MYPOP: variants seen among roughly 807,000 people sequenced by gnomAD.
MYPOP encodes the protein myb-related transcription factor, partner of profilin.
MYPOP carries 21 observed loss-of-function variants against 25.7 expected under a neutral mutation model. The ratio of observed to expected loss-of-function variants is 0.82; its 90% CI spans 0.58 to 1.18. The LOEUF (loss-of-function observed/expected upper bound fraction) is 1.18, where lower values mean the gene tolerates loss of function less well. Ranked by LOEUF, MYPOP falls within the 50% of genes most tolerant of loss-of-function variation. The pLI is 0.00. For missense variants in MYPOP, 566 were observed against 588.3 expected, an observed-to-expected ratio of 0.96 and a Z score of 0.39; for synonymous variants, 280 against 247.9, an observed-to-expected ratio of 1.13 and a Z score of -1.22.
intron 2 of MYPOP, among the ~76,000 whole-genome samples, chr19:45,892,829 G>A (rs1306668207): frequency 6.6e-6 from 1 of 152,098 alleles, no homozygotes; most frequent in Non-Finnish European, 1.5e-5. Context: ...CCTCCCTGAG[G>A]GCTCTCTGCT....
Position 45,901,628 on chromosome 19 carries a change from A to G in MYPOP, c.146T>C (p.Val49Ala), listed in dbSNP as rs763202009. ...GTCCCACACGCGCCGCCGCTCTGCC[A>G]CGCTCACCCGACGGCTCTGCGCGCC... ...LYGAQSRRVS[V>A]AERRRVWDGI... Residue 49 changes from valine (V) to alanine (A), a missense_variant, in exon 2 of 3, where the codon GTG becomes GCG. Physicochemically the swap from Val to Ala is moderately conservative, Grantham distance 64. Coordinates refer to ENST00000322217, the MANE Select transcript of MYPOP (RefSeq NM_001012643.4). The surrounding 1 kb of genome is among the most constrained non-coding windows in gnomAD (Gnocchi z 5.7). 6.2e-7 allele frequency: 1 copy of G among 1,610,648 alleles called. No homozygotes were observed. Among genetic ancestry groups the G allele is most frequent in the Admixed American group, 1.7e-5 (1 of 59,876 alleles).
In MYPOP at chr19:45,890,561, G is replaced by A. The variant is rs1967101937; in HGVS notation, c.*62C>T. On this transcript the variant is annotated 3_prime_UTR_variant, in exon 3 of 3. Transcript: ENST00000322217. ...GCAGCTGGGATGGGCAGAGAGCATC[G>A]CCCCCCTCGACTGCGCCAAGCTGGG... is the stretch of plus-strand genomic sequence containing the variant. 3.2e-6 allele frequency: 5 copies of A among 1,583,262 alleles called. No homozygotes were observed. Among genetic ancestry groups the A allele is most frequent in the South Asian group, 2.3e-5 (2 of 87,442 alleles).
At chr19:45,892,011 C>T (rs1223648905) in intron 2 of MYPOP, among the ~76,000 whole-genome samples, 1 of 152,022 alleles carries the variant, frequency 6.6e-6, no homozygotes, top group African/African-American at 2.4e-5. Flanking sequence ...CCTCTGTCTT[C>T]CGGCTTCAAA....
chr19:45,896,554 G>A (rs1379422892), intron 2 of MYPOP, among the ~76,000 whole-genome samples: 1 of 152,090 alleles, frequency 6.6e-6, no homozygotes, highest in Non-Finnish European at 1.5e-5. Context: ...GAGGCTCAGA[G>A]AGAGGTGTCA....
At chr19:45,899,806 A>C (rs1967260871) in intron 2 of MYPOP, among the ~76,000 whole-genome samples, 1 of 152,168 alleles carries the variant, frequency 6.6e-6, no homozygotes, top group African/African-American at 2.4e-5. Context: ...TCGCCACTGC[A>C]CTCCAGCCTG....
Position 45,901,171 on chromosome 19 carries a change from G to A in MYPOP, c.499+104C>T, listed in dbSNP as rs2146382819. The A allele has an allele frequency of 2.7e-6, 3 of 1,107,528 alleles. No homozygotes were observed. Among genetic ancestry groups the A allele is most frequent in the Non-Finnish European group, 2.4e-6 (2 of 840,880 alleles). The allele number at this position is 1,107,528 out of a possible 1,614,324, so 68.6% of individuals were successfully genotyped here. Reference sequence around the variant, plus strand: ...TTCAGTTTCCCTAGCTATAAAATGGGGCGAAGGACAGCATCCACCTCACAG... The same window carrying A: ...TTCAGTTTCCCTAGCTATAAAATGGAGCGAAGGACAGCATCCACCTCACAG... On this transcript the variant is annotated intron_variant, in intron 2 of 2. Coordinates refer to ENST00000322217, the MANE Select transcript of MYPOP (RefSeq NM_001012643.4). This position sits in a 1 kb window ranked among gnomAD's most constrained non-coding sequence, Gnocchi z 5.7.
chr19:45,901,149 A>T lies in MYPOP; in HGVS notation c.499+126T>A. ...AAGTCATTTCATTTTTCTGAGCTTCAGTTTCCCTAGCTATAAAATGGGGCG... is the reference window on the plus strand; with the variant it reads ...AAGTCATTTCATTTTTCTGAGCTTCTGTTTCCCTAGCTATAAAATGGGGCG... On this transcript the variant is annotated intron_variant, in intron 2 of 2. Coordinates refer to ENST00000322217, the MANE Select transcript of MYPOP (RefSeq NM_001012643.4). This position sits in a 1 kb window ranked among gnomAD's most constrained non-coding sequence, Gnocchi z 5.7. 1.1e-6 allele frequency: 1 copy of T among 918,096 alleles called. No individual in the cohort carries two copies. The highest frequency in any genetic ancestry group is 1.5e-6 in the Non-Finnish European group (1 of 675,024). The allele number at this position is 918,096 out of a possible 1,614,324, so 56.9% of individuals were successfully genotyped here.
rs116069837 is a variant in MYPOP, at chr19:45,900,293, C to T, written c.499+982G>A. Among the ~76,000 whole-genome samples, 381 of 152,298 alleles carry T rather than the reference C, an allele frequency of 2.5e-3. 3 individuals are homozygous for T. The highest frequency in any genetic ancestry group is 8.7e-3 in the African/African-American group (361 of 41,564). ...CCTTTCCACTCTACACTCTTTTCCC[C>T]GCAACTTCTTTTAGTTTCCCAAACT... On this transcript the variant is annotated intron_variant, in intron 2 of 2. Coordinates refer to ENST00000322217, the MANE Select transcript of MYPOP (RefSeq NM_001012643.4).
chr19:45,895,786 GC>G (rs1238510290), intron 2 of MYPOP, among the ~76,000 whole-genome samples: 1 of 152,098 alleles, frequency 6.6e-6, no homozygotes, highest in African/African-American at 2.4e-5. Context: ...CTCAGCACTT[GC>G]CCCCAACTCC....
intron 2 of MYPOP, among the ~76,000 whole-genome samples, chr19:45,897,916 G>C (rs1452284053): frequency 2.0e-5 from 3 of 148,980 alleles, no homozygotes; most frequent in African/African-American, 7.4e-5. Context: ...TTCCCTACTT[G>C]TTTTCTTTTC....
chr19:45,901,239 C>G lies in MYPOP; in HGVS notation c.499+36G>C. On this transcript the variant is annotated intron_variant, in intron 2 of 2. Transcript: ENST00000322217. This position sits in a 1 kb window ranked among gnomAD's most constrained non-coding sequence, Gnocchi z 5.7. ...GATGAGACATGTAAAAGGCTTGCAA[C>G]AGCGCAGGCACACAGCCTACTCTGA... The G allele has an allele frequency of 7.1e-7, 1 of 1,410,040 alleles. No homozygotes were observed. Among genetic ancestry groups the G allele is most frequent in the Middle Eastern group, 1.9e-4 (1 of 5,390 alleles). 87.3% of individuals were successfully genotyped at this position (1,410,040 alleles called of 1,614,324 possible).
In MYPOP at chr19:45,891,451, A is replaced by G. The variant is rs1233164870; in HGVS notation, c.500-128T>C. 2.9e-6 allele frequency: 3 copies of G among 1,027,912 alleles called. No individual in the cohort carries two copies. The East Asian group carries it at 1.0e-4, about 34-fold the overall frequency. 63.7% of individuals were successfully genotyped at this position (1,027,912 alleles called of 1,614,324 possible). A position where few individuals can be genotyped will look rare whatever the true frequency, so the allele number is the denominator to read the frequency against. Reference sequence around the variant, plus strand: ...ACTATCCTTCTCACCCCCGCCCCCCAGCCCCAAGACAGTCTTGGTCTGTCA... The same window carrying G: ...ACTATCCTTCTCACCCCCGCCCCCCGGCCCCAAGACAGTCTTGGTCTGTCA... On this transcript the variant is annotated intron_variant, in intron 2 of 2. Transcript: ENST00000322217.
chr19:45,901,879 GCC>G lies in MYPOP; in HGVS notation c.-52-56_-52-55del. ...TGGGGTTCGGGGTCCCCCCGCCGCC[GCC>G]TCTCCCAGACCGCCGGGCCGAGAGC... is the stretch of plus-strand genomic sequence containing the variant. On this transcript the variant is annotated intron_variant, in intron 1 of 2. Transcript: ENST00000322217. This position sits in a 1 kb window ranked among gnomAD's most constrained non-coding sequence, Gnocchi z 5.7. The G allele has an allele frequency of 1.1e-6, 1 of 951,832 alleles. No individual in the cohort carries two copies. 59.0% of individuals were successfully genotyped at this position (951,832 alleles called of 1,614,324 possible).
rs1473958636 is a variant in MYPOP, at chr19:45,890,333, T to TC, written c.*289dup. On this transcript the variant is annotated 3_prime_UTR_variant, in exon 3 of 3. Coordinates refer to ENST00000322217, the MANE Select transcript of MYPOP (RefSeq NM_001012643.4). ...GGGGAGATGTGCAGACCCGAGAGGTTCCCTCCCCACCCCACATAGGGCAAT... is the reference window on the plus strand; with the variant it reads ...GGGGAGATGTGCAGACCCGAGAGGTTCCCCTCCCCACCCCACATAGGGCAAT... The TC allele has an allele frequency of 3.8e-5, 13 of 340,926 alleles. No homozygotes were observed. The South Asian group carries it at 8.0e-4, about 21-fold the overall frequency. The allele number at this position is 340,926 out of a possible 1,614,324, so 21.1% of individuals were successfully genotyped here.
At chr19:45,891,446 C>T in intron 2 of MYPOP, 123 bp from the exon 3 acceptor site, 1 of 1,189,558 alleles carries the variant, frequency 8.4e-7, no homozygotes, top group Non-Finnish European at 1.1e-6. Flanking sequence ...TCACCCCCGC[C>T]CCCCAGCCCC....
chr19:45,898,715 C>T (rs1967243719), intron 2 of MYPOP, among the ~76,000 whole-genome samples: 1 of 152,084 alleles, frequency 6.6e-6, no homozygotes. Context: ...AGCAGGAGTG[C>T]CCTTCTCCCA....
chr19:45,899,394 GA>G, intron 2 of MYPOP, among the ~76,000 whole-genome samples: 1 of 152,300 alleles, frequency 6.6e-6, no homozygotes, highest in East Asian at 1.9e-4. Flanking sequence ...ACAAGTTTCT[GA>G]AAAAATAAGT....
chr19:45,897,072 T>TC (rs2146379547), intron 2 of MYPOP, among the ~76,000 whole-genome samples: 1 of 149,590 alleles, frequency 6.7e-6, no homozygotes, highest in South Asian at 2.1e-4. Context: ...CATGGCCTTT[T>TC]TTTTTTTTTG....
In MYPOP at chr19:45,890,525, G is replaced by T; in HGVS notation, c.*98C>A. The T allele has an allele frequency of 6.6e-7, 1 of 1,526,612 alleles. No homozygotes were observed. The highest frequency in any genetic ancestry group is 1.2e-5 in the South Asian group (1 of 80,382). The allele number at this position is 1,526,612 out of a possible 1,614,324, so 94.6% of individuals were successfully genotyped here. On this transcript the variant is annotated 3_prime_UTR_variant, in exon 3 of 3. Transcript: ENST00000322217. Reference sequence around the variant, plus strand: ...GTGGGTGCTCACATCCCTGGAGCAGGGAGCTAGGGTGCAGCTGGGATGGGC... The same window carrying T: ...GTGGGTGCTCACATCCCTGGAGCAGTGAGCTAGGGTGCAGCTGGGATGGGC...
Sources: allele counts gnomAD v4.1 joint callset (sites outside exome capture counted in the v4.1 genomes callset), GRCh38; gene constraint gnomAD v4.1.1; non-coding constraint Gnocchi (gnomAD v3.1); transcripts MANE v1.5; gene names NCBI Gene and HGNC (gene_info 2026-07-23, HGNC 2026-07-21).